PPP2R2C: variants seen among roughly 807,000 people sequenced by gnomAD.
The protein encoded by PPP2R2C is protein phosphatase 2, regulatory subunit B, gamma.
A neutral mutation model predicts 45.3 loss-of-function variants in PPP2R2C; 10 were observed. The observed-to-expected ratio is 0.22, with a 90% CI of 0.14 to 0.37. The LOEUF is 0.37. Among genes scored for constraint, PPP2R2C ranks in the 10% least tolerant of loss-of-function variants. The pLI is 1.00. For missense variants in PPP2R2C, 308 were observed against 619.7 expected, an observed-to-expected ratio of 0.50 and a Z score of 5.34; for synonymous variants, 257 against 245.4, an observed-to-expected ratio of 1.05 and a Z score of -0.44.
Position 6,410,840 on chromosome 4 carries a change from GTTTT to G in PPP2R2C, c.71-29750_71-29747del, listed in dbSNP as rs1361857949. Among the ~76,000 whole-genome samples the G allele has an allele frequency of 1.9e-3, 256 of 133,086 alleles. 1 individual carries two copies. Among genetic ancestry groups the G allele is most frequent in the African/African-American group, 6.4e-3 (234 of 36,756 alleles). The allele number at this position is 133,086 out of a possible 152,430, so 87.3% of individuals were successfully genotyped here. On this transcript the variant is annotated intron_variant, in intron 1 of 8. Coordinates refer to ENST00000382599, the MANE Select transcript of PPP2R2C (RefSeq NM_020416.4). ...TGGAGTAGGGACTACTATTCCCCCT[GTTTT>G]ATTTATTTATTTATTTATTTATTTA...
chr4:6,356,922 G>C (rs1713250531), intron 5 of PPP2R2C, among the ~76,000 whole-genome samples: 1 of 151,212 alleles, frequency 6.6e-6, no homozygotes, highest in African/African-American at 2.4e-5. Context: ...TGGGACCCTG[G>C]GTCCCAGCCT....
chr4:6,467,220 C>G (rs1721643963), intron 1 of PPP2R2C, among the ~76,000 whole-genome samples: 1 of 152,200 alleles, frequency 6.6e-6, no homozygotes, highest in African/African-American at 2.4e-5. Flanking sequence ...AAGGCTGACT[C>G]TCCCTAATCT....
At chr4:6,350,725 G>T (rs955154508) in intron 5 of PPP2R2C, 1 of 985,288 alleles carries the variant, frequency 1.0e-6, no homozygotes, top group African/African-American at 1.7e-5. Flanking sequence ...GAGGCTGGTT[G>T]CTTCTGCCAA....
chr4:6,501,547 A>G (rs1387705756), intron 2 of PPP2R2C, among the ~76,000 whole-genome samples: 1 of 152,220 alleles, frequency 6.6e-6, no homozygotes, highest in African/African-American at 2.4e-5. Context: ...GTTGATGCAC[A>G]TTAGCACCAT....
intron 1 of PPP2R2C, among the ~76,000 whole-genome samples, chr4:6,544,754 C>A (rs551487102): frequency 6.6e-6 from 1 of 152,292 alleles, no homozygotes; most frequent in East Asian, 1.9e-4. Flanking sequence ...TGCTGGCCAG[C>A]TAACACCCTT....
chr4:6,324,669 G>GAGCA lies in PPP2R2C; in HGVS notation c.1053-1077_1053-1076insTGCT, dbSNP rs1731810191. On this transcript the variant is annotated intron_variant, in intron 8 of 8. Coordinates refer to ENST00000382599, the MANE Select transcript of PPP2R2C (RefSeq NM_020416.4). This position sits in a 1 kb window ranked among gnomAD's most constrained non-coding sequence, Gnocchi z 4.1. ...TCGGGGCGAGCAGTGCTGACGTGCA[G>GAGCA]GGGCTCGCTGCCCTCACCGTCCCGC... 6.6e-6 allele frequency among the ~76,000 whole-genome samples: 1 copy of GAGCA among 152,224 alleles called. No individual in the cohort carries two copies. The highest frequency in any genetic ancestry group is 1.5e-5 in the Non-Finnish European group (1 of 68,044).
At chr4:6,397,444 G>A (rs1282168643) in intron 1 of PPP2R2C, among the ~76,000 whole-genome samples, 1 of 149,278 alleles carries the variant, frequency 6.7e-6, no homozygotes, top group Non-Finnish European at 1.5e-5. Flanking sequence ...CGGCCAAGGT[G>A]CAGGGTGAGG....
chr4:6,335,728 AGGGAGGTGAG>A (rs1445878033), intron 6 of PPP2R2C, among the ~76,000 whole-genome samples: 1 of 146,464 alleles, frequency 6.8e-6, no homozygotes, highest in Non-Finnish European at 1.5e-5. Context: ...CACTGCATGC[AGGGAGGTGAG>A]GGGAGGTGAG....
rs1015987625 is a variant in PPP2R2C at position 6,321,428 on chromosome 4, T to A, written c.*1874A>T. ...AATTAGAATAGATATGTACATATAA[T>A]ACTGTCCAGGTCAACTGGATTTTAT... On this transcript the variant is annotated 3_prime_UTR_variant, in exon 9 of 9. Transcript: ENST00000382599. The A allele has an allele frequency of 1.3e-5, 2 of 152,602 alleles. No individual in the cohort carries two copies. The highest frequency in any genetic ancestry group is 1.3e-4 in the Admixed American group (2 of 15,278). 9.5% of individuals were successfully genotyped at this position (152,602 alleles called of 1,614,324 possible).
At position 6,556,627 on chromosome 4, in the gene PPP2R2C, C is replaced by T. The variant is rs116746368; in HGVS notation, c.-59+6933G>A. On this transcript the variant is annotated intron_variant, in intron 1 of 9. Transcript: ENST00000506140. Reference sequence around the variant, plus strand: ...ATTTGAGAGGTCCATCCACACACCTCTTCCCCAGGCCACCTTGTCATCATC... The same window carrying T: ...ATTTGAGAGGTCCATCCACACACCTTTTCCCCAGGCCACCTTGTCATCATC... 6.5e-3 allele frequency among the ~76,000 whole-genome samples: 984 copies of T among 152,316 alleles called. 8 individuals carry two copies. Among genetic ancestry groups the T allele is most frequent in the African/African-American group, 0.022 (926 of 41,566 alleles).
intron 5 of PPP2R2C, among the ~76,000 whole-genome samples, chr4:6,366,272 G>T (rs1012962453): frequency 3.3e-5 from 5 of 152,188 alleles, no homozygotes; most frequent in African/African-American, 1.2e-4. Context: ...TGAGCAATGG[G>T]TCTCAGCCCA....
chr4:6,450,159 C>T (rs749267715), intron 1 of PPP2R2C, among the ~76,000 whole-genome samples: 9 of 152,182 alleles, frequency 5.9e-5, no homozygotes, highest in East Asian at 1.9e-4. Flanking sequence ...GCATCCCTGC[C>T]GGCTGTGCAG....
chr4:6,414,282 A>C (rs1219259199), intron 1 of PPP2R2C, among the ~76,000 whole-genome samples: 3 of 152,112 alleles, frequency 2.0e-5, no homozygotes, highest in Non-Finnish European at 4.4e-5. Flanking sequence ...ACCCTGCATT[A>C]CTTCCTACAT....
chr4:6,347,965 A>G lies in PPP2R2C; in HGVS notation c.671T>C (p.Val224Ala). Reference protein sequence around the residue: ...KPANMEDLTEVITASEFHPHH... With the variant: ...KPANMEDLTEAITASEFHPHH... ...CGGATGGAACTCAGATGCTGTGATC[A>G]CCTCCGTAAGGTCCTCCATGTTGGC... is the stretch of plus-strand genomic sequence containing the variant. The change falls in exon 6 of 9, where the codon GTG (valine) becomes GCG (alanine). Residue 224 changes from valine (V) to alanine (A), a missense_variant. Transcript: ENST00000382599. The G allele has an allele frequency of 6.2e-7, 1 of 1,613,802 alleles. No homozygotes were observed. The highest frequency in any genetic ancestry group is 8.5e-7 in the Non-Finnish European group (1 of 1,179,946).
chr4:6,475,148 G>A (rs1213894835), upstream of PPP2R2C, among the ~76,000 whole-genome samples: 1 of 152,226 alleles, frequency 6.6e-6, no homozygotes, highest in Non-Finnish European at 1.5e-5. Context: ...TGTGGGCCAT[G>A]ACTGGTGCAG....
chr4:6,422,656 T>C (rs1719055672), intron 1 of PPP2R2C, among the ~76,000 whole-genome samples: 1 of 152,178 alleles, frequency 6.6e-6, no homozygotes, highest in Non-Finnish European at 1.5e-5. Context: ...ACAGTTGTCC[T>C]TCTGTGTGTG....
chr4:6,561,331 C>T (rs1280119410), intron 1 of PPP2R2C, among the ~76,000 whole-genome samples: 1 of 152,220 alleles, frequency 6.6e-6, no homozygotes, highest in Non-Finnish European at 1.5e-5. Context: ...AATAAAACCA[C>T]CATGACAGGC....
At chr4:6,377,204 A>G (rs1484609339) in intron 3 of PPP2R2C, among the ~76,000 whole-genome samples, 1 of 152,186 alleles carries the variant, frequency 6.6e-6, no homozygotes, top group Non-Finnish European at 1.5e-5. Flanking sequence ...GCGTGGGGAC[A>G]GCACCTCGAA....
intron 1 of PPP2R2C, among the ~76,000 whole-genome samples, chr4:6,450,475 G>A (rs1720677907): frequency 6.6e-6 from 1 of 152,174 alleles, no homozygotes; most frequent in African/African-American, 2.4e-5. Flanking sequence ...ACCAAGCACT[G>A]GAAGGAGAAG....
Sources: gnomAD v4.1 joint callset for allele counts (sites outside exome capture counted in the v4.1 genomes callset) on GRCh38, gnomAD v4.1.1 for gene constraint, Gnocchi (gnomAD v3.1) non-coding constraint, MANE v1.5 for transcripts, NCBI Gene and HGNC (gene_info 2026-07-23, HGNC 2026-07-21) for gene names.